OTUD7A: variants seen among roughly 807,000 people sequenced by gnomAD.
OTUD7A encodes the protein OTU deubiquitinase 7A.
OTUD7A carries 12 observed loss-of-function variants against 65.7 expected under a neutral mutation model. That is an observed-to-expected ratio of 0.18 (90% confidence interval 0.12 to 0.30). OTUD7A has a LOEUF of 0.30. Among genes scored for constraint, OTUD7A ranks in the 10% least tolerant of loss-of-function variants. The pLI, the probability that OTUD7A is intolerant of heterozygous loss-of-function variation, is 1.00. For synonymous variants in OTUD7A, 641 were observed against 586.3 expected, an observed-to-expected ratio of 1.09 and a Z score of -1.35; for missense variants, 1,148 against 1,304.8, an observed-to-expected ratio of 0.88 and a Z score of 1.85.
intron 1 of OTUD7A, chr15:31,766,423 G>A (rs1895096302): frequency 6.3e-7 from 1 of 1,580,114 alleles, no homozygotes; most frequent in Non-Finnish European, 8.7e-7. Flanking sequence ...AGCAAACTTT[G>A]TGTGCCAGTC....
chr15:31,536,681 A>G (rs2125620), intron 5 of OTUD7A, among the ~76,000 whole-genome samples: 43,868 of 152,164 alleles, frequency 0.29, 7,254 homozygotes, highest in East Asian at 0.68. Flanking sequence ...GATGTCATTC[A>G]TTTGCAGCAA....
chr15:31,817,956 GATTCATGCCCTTAGAAGAGAGCCGTC>G (rs1452375202), intron 1 of OTUD7A, among the ~76,000 whole-genome samples: 1 of 152,216 alleles, frequency 6.6e-6, no homozygotes, highest in Non-Finnish European at 1.5e-5. Flanking sequence ...TCCTGAGTGG[GATTCATGCCCTTAGAAGAGAGCCGTC>G]AGAGAGCTGC....
intron 8 of OTUD7A, among the ~76,000 whole-genome samples, chr15:31,513,435 C>T (rs2141101753): frequency 6.6e-6 from 1 of 152,278 alleles, no homozygotes; most frequent in Non-Finnish European, 1.5e-5. Context: ...GCCAGCTGTC[C>T]CAATAATGCC....
chr15:31,683,356 C>A (rs968925104), intron 1 of OTUD7A, among the ~76,000 whole-genome samples: 2 of 152,082 alleles, frequency 1.3e-5, no homozygotes, highest in Non-Finnish European at 2.9e-5. Flanking sequence ...TCTATAATAC[C>A]CTGTCAACTT....
chr15:31,658,108 G>A (rs1469165766), intron 1 of OTUD7A, among the ~76,000 whole-genome samples: 1 of 152,080 alleles, frequency 6.6e-6, no homozygotes, highest in Middle Eastern at 3.2e-3. Flanking sequence ...GTGTGACCTT[G>A]GGCATGTTAT....
At chr15:31,567,851 A>T (rs1432174070) in intron 4 of OTUD7A, among the ~76,000 whole-genome samples, 1 of 152,272 alleles carries the variant, frequency 6.6e-6, no homozygotes, top group Non-Finnish European at 1.5e-5. Context: ...CAGAGGGTGC[A>T]AGCCATAAGC....
chr15:31,775,641 G>C (rs1429198252), intron 1 of OTUD7A, among the ~76,000 whole-genome samples: 1 of 152,146 alleles, frequency 6.6e-6, no homozygotes, highest in Non-Finnish European at 1.5e-5. Flanking sequence ...AACGTGATCT[G>C]TTTTCCCCAC....
chr15:31,852,373 T>C (rs1283763776), intron 1 of OTUD7A, among the ~76,000 whole-genome samples: 2 of 152,224 alleles, frequency 1.3e-5, no homozygotes, highest in African/African-American at 2.4e-5. Context: ...TAAGTCGCCA[T>C]GGCCTTTGAA....
intron 1 of OTUD7A, among the ~76,000 whole-genome samples, chr15:31,835,382 T>C (rs1368573865): frequency 6.6e-6 from 1 of 152,182 alleles, no homozygotes; most frequent in African/African-American, 2.4e-5. Context: ...ATTATCATCT[T>C]CCAGCTGGCA....
At chr15:31,779,772 G>C (rs1274019873) in intron 1 of OTUD7A, among the ~76,000 whole-genome samples, 1 of 152,130 alleles carries the variant, frequency 6.6e-6, no homozygotes, top group East Asian at 1.9e-4. Context: ...GTGGATGAGA[G>C]AGAAATGGAG....
chr15:31,514,896 C>T (rs2041819325), intron 8 of OTUD7A, among the ~76,000 whole-genome samples: 1 of 152,192 alleles, frequency 6.6e-6, no homozygotes, highest in Non-Finnish European at 1.5e-5. Context: ...TATTTTATGC[C>T]AGGTCTAAAT....
chr15:31,823,164 G>A (rs1045090910), intron 1 of OTUD7A, among the ~76,000 whole-genome samples: 3 of 152,148 alleles, frequency 2.0e-5, no homozygotes, highest in East Asian at 1.9e-4. Context: ...CACCTCTTTC[G>A]CACACAAAGC....
chr15:31,503,937 C>G, intron 8 of OTUD7A, 119 bp from the exon 9 acceptor site: 1 of 1,246,144 alleles, frequency 8.0e-7, no homozygotes, highest in Non-Finnish European at 1.1e-6. Context: ...TCTTCATGGA[C>G]CCCGGCAGCT....
intron 1 of OTUD7A, among the ~76,000 whole-genome samples, chr15:31,746,193 C>A (rs1894471590): frequency 6.6e-6 from 1 of 152,056 alleles, no homozygotes; most frequent in African/African-American, 2.4e-5. Context: ...GGTATTTATG[C>A]AAGAGAAATG....
At chr15:31,535,929 C>T (rs1444070645) in intron 5 of OTUD7A, among the ~76,000 whole-genome samples, 1 of 152,084 alleles carries the variant, frequency 6.6e-6, no homozygotes, top group East Asian at 1.9e-4. Context: ...ATCCGCCCAC[C>T]TCAGTCTCCC....
At position 31,484,873 on chromosome 15, in the gene OTUD7A, A is replaced by G. The variant is rs1465972778; in HGVS notation, c.1372-149T>C. ...CCCCACTGTCGCTCTGGTGACTGTG[A>G]CATCCGGATGGGCGGTGCTGAAGGA... On this transcript the variant is annotated intron_variant, in intron 12 of 12. Transcript: ENST00000307050. The surrounding 1 kb of genome is among the most constrained non-coding windows in gnomAD (Gnocchi z 4.5). The G allele has an allele frequency of 3.6e-6, 5 of 1,394,724 alleles. No individual in the cohort carries two copies. The highest frequency in any genetic ancestry group is 2.6e-5 in the Admixed American group (1 of 38,304). The allele number at this position is 1,394,724 out of a possible 1,614,324, so 86.4% of individuals were successfully genotyped here. A position where few individuals can be genotyped will look rare whatever the true frequency, so the allele number is the denominator to read the frequency against.
At chr15:31,624,508 C>A (rs1890893018) in intron 3 of OTUD7A, among the ~76,000 whole-genome samples, 1 of 152,016 alleles carries the variant, frequency 6.6e-6, no homozygotes, top group South Asian at 2.1e-4. Context: ...GGGTTGGCCC[C>A]AGAGGGACTT....
At chr15:31,667,166 A>G (rs1892344097) in intron 1 of OTUD7A, among the ~76,000 whole-genome samples, 1 of 152,208 alleles carries the variant, frequency 6.6e-6, no homozygotes, top group Admixed American at 6.5e-5. Context: ...GGTATAGTTT[A>G]AATCCATTGT....
intron 1 of OTUD7A, among the ~76,000 whole-genome samples, chr15:31,730,858 G>A (rs962797240): frequency 1.3e-5 from 2 of 152,240 alleles, no homozygotes; most frequent in Non-Finnish European, 2.9e-5. Flanking sequence ...TGATGGACAT[G>A]ATGGAGGGAT....
Sources: gnomAD v4.1 joint callset for allele counts (sites outside exome capture counted in the v4.1 genomes callset) on GRCh38, gnomAD v4.1.1 for gene constraint, Gnocchi (gnomAD v3.1) non-coding constraint, MANE v1.5 for transcripts, NCBI Gene and HGNC (gene_info 2026-07-23, HGNC 2026-07-21) for gene names.